The following FHOD3 variants were observed in gnomAD, a reference collection of about 807,000 sequenced individuals.
FHOD3 encodes the protein FH1/FH2 domain-containing protein 3.
In FHOD3, 90 loss-of-function variants were observed where a neutral mutation model predicts 173.0. That is an observed-to-expected ratio of 0.52 (90% CI 0.44 to 0.62). The LOEUF is 0.62. Ranked by LOEUF, FHOD3 falls within the 20% of genes least tolerant of loss-of-function variation. FHOD3 has a pLI of 0.00. For synonymous variants in FHOD3, 828 were observed against 823.0 expected (o/e 1.01, Z -0.10); for missense variants, 1,945 against 2,034.7 (o/e 0.96, Z 0.85).
At chr18:36,320,107 G>T (rs987122298) in intron 1 of FHOD3, among the ~76,000 whole-genome samples, 1 of 152,102 alleles carries the variant, frequency 6.6e-6, no homozygotes, top group African/African-American at 2.4e-5. Flanking sequence ...TCAAAAGCTA[G>T]CAGAAGGCAA....
At chr18:36,628,664 A>G (rs1177251205) in intron 10 of FHOD3, among the ~76,000 whole-genome samples, 1 of 152,324 alleles carries the variant, frequency 6.6e-6, no homozygotes, top group East Asian at 1.9e-4. Context: ...GTGTGTCATA[A>G]TGAGTTTCAT....
At chr18:36,407,438 A>G (rs550786436) in intron 3 of FHOD3, among the ~76,000 whole-genome samples, 3 of 152,308 alleles carry the variant, frequency 2.0e-5, no homozygotes, top group African/African-American at 7.2e-5. Flanking sequence ...TTGGTTGCAC[A>G]TCTGCCAGGG....
At chr18:36,621,108 T>G (rs1307706055) in intron 9 of FHOD3, among the ~76,000 whole-genome samples, 1 of 152,190 alleles carries the variant, frequency 6.6e-6, no homozygotes, top group Non-Finnish European at 1.5e-5. Flanking sequence ...TTTTTATGGC[T>G]TCATATTATT....
intron 11 of FHOD3, 82 bp from the exon 12 acceptor site, chr18:36,652,488 C>G (rs2036125937): frequency 7.0e-7 from 1 of 1,435,712 alleles, no homozygotes; most frequent in Non-Finnish European, 9.1e-7. Flanking sequence ...GGCTTTTTGC[C>G]TGTCTCTCTT....
intron 17 of FHOD3, among the ~76,000 whole-genome samples, chr18:36,702,208 A>T (rs2039629699): frequency 6.6e-6 from 1 of 152,146 alleles, no homozygotes. Flanking sequence ...ATAGCAGAGG[A>T]GAAGTGGAAG....
intron 1 of FHOD3, among the ~76,000 whole-genome samples, chr18:36,307,006 C>T (rs2092118361): frequency 6.6e-6 from 1 of 152,170 alleles, no homozygotes; most frequent in Admixed American, 6.5e-5. Context: ...CTCTGTCGCC[C>T]AGGCTGGCAT....
At position 36,594,315 on chromosome 18, in the gene FHOD3, T is replaced by G. The variant is rs1394518243; in HGVS notation, c.607-472T>G. Among the ~76,000 whole-genome samples, 3 of 152,080 alleles carry G rather than the reference T, an allele frequency of 2.0e-5. No individual in the cohort carries two copies. In the East Asian group the frequency reaches 5.8e-4, roughly 29 times the overall value. On this transcript the variant is annotated intron_variant, in intron 6 of 28. Transcript: ENST00000590592. The stretch of plus-strand genomic sequence containing the variant: ...TGGCTTTAAGAATGGGGTACTTGGT[T>G]CCGGTTCCCTTCCACCTAAGCTGGC...
intron 1 of FHOD3, among the ~76,000 whole-genome samples, chr18:36,351,472 T>G (rs1371612163): frequency 6.6e-6 from 1 of 152,204 alleles, no homozygotes; most frequent in Non-Finnish European, 1.5e-5. Context: ...AGATGGTGTT[T>G]TATTCTTTTC....
intron 5 of FHOD3, among the ~76,000 whole-genome samples, chr18:36,567,503 C>G (rs1008538485): frequency 3.3e-5 from 5 of 152,168 alleles, no homozygotes; most frequent in Non-Finnish European, 7.3e-5. Context: ...CCCTGTCTTT[C>G]CCGATGAATT....
rs191848880 is a variant in FHOD3, at chr18:36,514,094, C to T, written c.511+1551C>T. Among the ~76,000 whole-genome samples the T allele has an allele frequency of 7.0e-3, 1,014 of 144,184 alleles. 7 individuals carry two copies. The highest frequency in any genetic ancestry group is 0.011 in the Non-Finnish European group (734 of 66,354). 94.6% of individuals were successfully genotyped at this position (144,184 alleles called of 152,430 possible). On this transcript the variant is annotated intron_variant, in intron 5 of 28. Transcript: ENST00000590592. Reference sequence around the variant, plus strand: ...CGCGATCTCGGCTCACTGCAAGCTCCGCCTCCCGGATTCACGCCATTCTCC... The same window carrying T: ...CGCGATCTCGGCTCACTGCAAGCTCTGCCTCCCGGATTCACGCCATTCTCC...
intron 5 of FHOD3, among the ~76,000 whole-genome samples, chr18:36,561,120 G>A (rs1437554041): frequency 6.6e-6 from 1 of 152,086 alleles, no homozygotes; most frequent in African/African-American, 2.4e-5. Context: ...AGAATTTATG[G>A]TCTGAAGTAT....
At chr18:36,466,861 A>G (rs377252093) in intron 3 of FHOD3, among the ~76,000 whole-genome samples, 4,154 of 84,398 alleles carry the variant, frequency 0.049, 187 homozygotes, top group African/African-American at 0.19. Flanking sequence ...ACGTTTTGTG[A>G]TTTTAGCTTT....
At chr18:36,605,374 C>T (rs529255841) in intron 8 of FHOD3, among the ~76,000 whole-genome samples, 1 of 152,308 alleles carries the variant, frequency 6.6e-6, no homozygotes, top group African/African-American at 2.4e-5. Flanking sequence ...CTGGCAGAGA[C>T]CCAGTGCCTG....
In FHOD3 at chr18:36,446,940, A is replaced by C. The variant is rs200075861; in HGVS notation, c.338-54992A>C. Among the ~76,000 whole-genome samples the C allele has an allele frequency of 2.6e-5, 4 of 152,228 alleles. No individual in the cohort carries two copies. The East Asian group carries it at 7.7e-4, about 29-fold the overall frequency. ...ACTGGGGTAGCAGTGGGGAGGGGAA[A>C]GGCCACCCTGCATGTCCCTTGCTGG... On this transcript the variant is annotated intron_variant, in intron 3 of 28. Transcript: ENST00000590592.
At chr18:36,392,455 C>A (rs769409754) in intron 3 of FHOD3, among the ~76,000 whole-genome samples, 1 of 152,150 alleles carries the variant, frequency 6.6e-6, no homozygotes, top group Non-Finnish European at 1.5e-5. Flanking sequence ...CTTATAGTGG[C>A]CAAAGCTGAA....
chr18:36,333,826 T>C (rs908216007), intron 1 of FHOD3, among the ~76,000 whole-genome samples: 2 of 152,252 alleles, frequency 1.3e-5, no homozygotes, highest in Non-Finnish European at 2.9e-5. Context: ...GTTTGAGAAC[T>C]GCTTCTCTAT....
chr18:36,423,427 G>T (rs1471124238), intron 3 of FHOD3, among the ~76,000 whole-genome samples: 1 of 152,114 alleles, frequency 6.6e-6, no homozygotes, highest in Non-Finnish European at 1.5e-5. Flanking sequence ...CACCACAAAA[G>T]CAAGGTCATC....
At chr18:36,772,681 A>G (rs1031379248) in intron 28 of FHOD3, among the ~76,000 whole-genome samples, 2 of 152,236 alleles carry the variant, frequency 1.3e-5, no homozygotes, top group Non-Finnish European at 2.9e-5. Flanking sequence ...CAGCTGGGAT[A>G]GCCAAGGGCC....
At chr18:36,334,074 G>A (rs1026833343) in intron 1 of FHOD3, among the ~76,000 whole-genome samples, 1 of 152,116 alleles carries the variant, frequency 6.6e-6, no homozygotes, top group Non-Finnish European at 1.5e-5. Flanking sequence ...GACCTCTGTT[G>A]AGTGTGGTCC....
Sources: allele counts gnomAD v4.1 joint callset (sites outside exome capture counted in the v4.1 genomes callset), GRCh38; gene constraint gnomAD v4.1.1; transcripts MANE v1.5; gene names NCBI Gene and HGNC (gene_info 2026-07-23, HGNC 2026-07-21).